Variants in CILP observed in about 807,000 individuals in gnomAD.
CILP encodes cartilage intermediate layer protein 1.
In CILP, 75 loss-of-function variants were observed where a neutral mutation model predicts 82.5. The ratio of observed to expected loss-of-function variants is 0.91; its 90% CI spans 0.75 to 1.10. The LOEUF (loss-of-function observed/expected upper bound fraction) is 1.10, where lower values mean the gene tolerates loss of function less well. CILP is among the 50% of genes least tolerant of loss of function. The pLI, the probability that CILP is intolerant of heterozygous loss-of-function variation, is 0.00. For synonymous variants in CILP, 530 were observed against 580.3 expected, an observed-to-expected ratio of 0.91 and a Z score of 1.25; for missense variants, 1,479 against 1,530.8, an observed-to-expected ratio of 0.97 and a Z score of 0.56.
chr15:65,203,305 C>G (rs1459178716), intron 7 of CILP, 57 bp downstream of exon 7: 7 of 1,195,550 alleles, frequency 5.9e-6, no homozygotes, highest in Non-Finnish European at 8.7e-6. Context: ...AGACCCAATG[C>G]AAGAAGCTCT....
rs753788213 is a variant in CILP, at chr15:65,197,553, G to A, written c.2733C>T (p.His911=). Residue 911 remains histidine (H), a synonymous_variant, in exon 9 of 9, where the codon CAC becomes CAT. Coordinates refer to ENST00000261883, the MANE Select transcript of CILP (RefSeq NM_003613.4). ...ACEEAPPSAA[H]FRFYQIEGDR... ...CCCCCTCAATCTGGTAGAACCGGAA[G>A]TGGGCTGCACTGGGTGGTGCCTCTT... 5 of 1,614,246 alleles carry A rather than the reference G, an allele frequency of 3.1e-6. No individual in the cohort carries two copies. Among genetic ancestry groups the A allele is most frequent in the Middle Eastern group, 1.6e-4 (1 of 6,062 alleles).
Position 65,196,399 on chromosome 15 carries a change from T to G in CILP, c.*332A>C, listed in dbSNP as rs766722166. Reference sequence around the variant, plus strand: ...ATCTTCAGCATCAGATTATCACTATTGCAGAGGTGGGCAAAACCATGCAAA... The same window carrying G: ...ATCTTCAGCATCAGATTATCACTATGGCAGAGGTGGGCAAAACCATGCAAA... On this transcript the variant is annotated 3_prime_UTR_variant, in exon 9 of 9. Transcript: ENST00000261883. The G allele has an allele frequency of 4.3e-6, 1 of 234,976 alleles. No homozygotes were observed. 14.6% of individuals were successfully genotyped at this position (234,976 alleles called of 1,614,324 possible).
At chr15:65,205,511 A>G (rs2681038) in intron 4 of CILP, 45 bp from the exon 5 acceptor site, 939,905 of 1,527,040 alleles carry the variant, frequency 0.62, 294,826 homozygotes, top group African/African-American at 0.69. Flanking sequence ...CTCTTGAGGG[A>G]ACTCTGTCAG....
intron 8 of CILP, among the ~76,000 whole-genome samples, chr15:65,200,756 T>C (rs935240619): frequency 1.3e-5 from 2 of 152,220 alleles, no homozygotes; most frequent in African/African-American, 4.8e-5. Flanking sequence ...AAACTATGCA[T>C]GCCCAGGCCA....
rs776061400 is a variant in CILP, at chr15:65,198,994, C to T, written c.1292G>A (p.Arg431His). ...ATNSFYYDVG[R>H]CPVKTCAGQQ... The stretch of plus-strand genomic sequence containing the variant: ...CCCTGCACAAGTCTTAACAGGGCAG[C>T]GTCCCACGTCATAGTAGAAGGAGTT... Residue 431 changes from arginine (R) to histidine (H), a missense_variant, in exon 9 of 9, where the codon CGC becomes CAC. Coordinates refer to ENST00000261883, the MANE Select transcript of CILP (RefSeq NM_003613.4). 50 of 1,611,796 alleles carry T rather than the reference C, an allele frequency of 3.1e-5. No individual in the cohort carries two copies. Among genetic ancestry groups the T allele is most frequent in the Non-Finnish European group, 3.7e-5 (44 of 1,180,014 alleles).
Position 65,198,605 on chromosome 15 carries a change from C to T in CILP, c.1681G>A (p.Gly561Arg), listed in dbSNP as rs921181401. The T allele has an allele frequency of 2.5e-6, 4 of 1,614,254 alleles. No homozygotes were observed. Among genetic ancestry groups the T allele is most frequent in the Non-Finnish European group, 3.4e-6 (4 of 1,180,042 alleles). The change falls in exon 9 of 9, where the codon GGG (glycine) becomes AGG (arginine). Residue 561 changes from glycine (G) to arginine (R), a missense_variant. Gly to Arg is a moderately radical substitution (Grantham distance 125). Coordinates refer to ENST00000261883, the MANE Select transcript of CILP (RefSeq NM_003613.4). ...TTKVLPFNKKGSAVFHEIKML... is the reference protein window; with the variant it reads ...TTKVLPFNKKRSAVFHEIKML... ...TTGATTTCATGGAACACGGCACTCC[C>T]CTTCTTGTTGAAAGGTAGCACTTTG...
chr15:65,197,039 C>A lies in CILP; in HGVS notation c.3247G>T (p.Asp1083Tyr). ...GCGATCTCCTTGGCCGTGCGAGGGT[C>A]CTGGTCAGTGACAGTGTAGATGCCA... ...NYGIYTVTDQ[D>Y]PRTAKEIALG... Residue 1083 changes from aspartate to tyrosine, a missense_variant, in exon 9 of 9, where the codon GAC becomes TAC. Coordinates refer to ENST00000261883, the MANE Select transcript of CILP (RefSeq NM_003613.4). 2 of 1,614,184 alleles carry A rather than the reference C, an allele frequency of 1.2e-6. No individual in the cohort carries two copies. The highest frequency in any genetic ancestry group is 2.7e-5 in the African/African-American group (2 of 75,046).
In CILP at chr15:65,198,204, G is replaced by A. The variant is rs201712854; in HGVS notation, c.2082C>T (p.Ser694=). The A allele has an allele frequency of 3.1e-6, 5 of 1,614,248 alleles. No homozygotes were observed. The South Asian group carries it at 3.3e-5, about 11-fold the overall frequency. ...GATTGAGTGACCAGAGTTTCACTGT[G>A]GATATGTGCTCTGGCATCTTGACCT... The part of the protein sequence containing the change: ...STQVKMPEHI[S]TVKLWSLNPD... The change falls in exon 9 of 9, where the codon TCC becomes TCT. Residue 694 remains serine, a synonymous_variant. Coordinates refer to ENST00000261883, the MANE Select transcript of CILP (RefSeq NM_003613.4).
chr15:65,201,745 A>G (rs956959963), intron 8 of CILP, 127 bp downstream of exon 8: 103 of 528,766 alleles, frequency 1.9e-4, no homozygotes, highest in African/African-American at 1.9e-3. Context: ...AAAAAAAAAA[A>G]AAAAAGAAAG....
intron 7 of CILP, among the ~76,000 whole-genome samples, chr15:65,203,002 A>AT (rs1420526114): frequency 6.6e-6 from 1 of 151,800 alleles, no homozygotes; most frequent in Non-Finnish European, 1.5e-5. Flanking sequence ...AACCTGGCTA[A>AT]TTTTTTGCAT....
Position 65,198,509 on chromosome 15 carries a change from C to G in CILP, c.1777G>C (p.Val593Leu). The stretch of plus-strand genomic sequence containing the variant: ...AGTTCAGCCATGGGGTCTTCACCAA[C>G]CACTTCCCCCAGGGGGATGATGTTG... The part of the protein sequence containing the change: ...ETNIIPLGEV[V>L]GEDPMAELEI... The change falls in exon 9 of 9, where the codon GTT becomes CTT. Residue 593 changes from valine to leucine, a missense_variant. Transcript: ENST00000261883. 1 of 1,614,206 alleles carries G rather than the reference C, an allele frequency of 6.2e-7. No individual in the cohort carries two copies. The highest frequency in any genetic ancestry group is 8.5e-7 in the Non-Finnish European group (1 of 1,180,018).
Position 65,207,617 on chromosome 15 carries a change from G to A in CILP, c.154+55C>T, listed in dbSNP as rs80327877. 4.5e-3 allele frequency: 6,724 copies of A among 1,496,656 alleles called. 118 individuals carry two copies. In the African/African-American group the frequency reaches 0.054, roughly 12 times the overall value. 92.7% of individuals were successfully genotyped at this position (1,496,656 alleles called of 1,614,324 possible). A position where few individuals can be genotyped will look rare whatever the true frequency, so the allele number is the denominator to read the frequency against. On this transcript the variant is annotated intron_variant, in intron 3 of 8. Transcript: ENST00000261883. ...TGCCCTGGCTTCAGAGATCCACTTCGGAAGCTCGTTAAAGGCTGCCCCTCC... is the reference window on the plus strand; with the variant it reads ...TGCCCTGGCTTCAGAGATCCACTTCAGAAGCTCGTTAAAGGCTGCCCCTCC...
At chr15:65,207,193 C>T in intron 3 of CILP, 142 bp from the exon 4 acceptor site, 1 of 882,340 alleles carries the variant, frequency 1.1e-6, no homozygotes, top group Non-Finnish European at 1.7e-6. Flanking sequence ...TTACACCTGC[C>T]ACTGCTGAGG....
At chr15:65,199,276 T>C (rs1437028110) in intron 8 of CILP, among the ~76,000 whole-genome samples, 177 bp from the exon 9 acceptor site, 4 of 152,208 alleles carry the variant, frequency 2.6e-5, no homozygotes, top group Non-Finnish European at 5.9e-5. Context: ...CCATTTTATA[T>C]ACCGGGAAAC....
In CILP at chr15:65,197,675, T is replaced by A; in HGVS notation, c.2611A>T (p.Lys871Ter). ...GCCATGCTAATCTGGAAAGCTGTCT[T>A]TTTAACCCGTGGATCCTCATGGTCC... ...RTDHEDPRVK[K>*]TAFQISMAKP... Residue 871 changes from lysine (K) to a stop codon, truncating the protein, a stop_gained, in exon 9 of 9, where the codon AAG becomes TAG. Coordinates refer to ENST00000261883, the MANE Select transcript of CILP (RefSeq NM_003613.4). LOFTEE classifies it high-confidence loss of function. 1.2e-6 allele frequency: 2 copies of A among 1,614,000 alleles called. No homozygotes were observed. Among genetic ancestry groups the A allele is most frequent in the Non-Finnish European group, 1.7e-6 (2 of 1,180,042 alleles).
Position 65,207,705 on chromosome 15 carries a change from T to G in CILP, c.121A>C (p.Ser41Arg). The change falls in exon 3 of 9, where the codon AGC becomes CGC. Residue 41 changes from serine (S) to arginine (R), a missense_variant. Coordinates refer to ENST00000261883, the MANE Select transcript of CILP (RefSeq NM_003613.4). ...GTGTCGGCAGGCTTGGCAAAGATGC[T>G]GGGGTTCTTCTTCCCAGGCTGGACT... ...RRVQPGKKNP[S>R]IFAKPADTLE... is the part of the protein sequence containing the mutation. The G allele has an allele frequency of 6.2e-7, 1 of 1,614,148 alleles. No homozygotes were observed. The highest frequency in any genetic ancestry group is 8.5e-7 in the Non-Finnish European group (1 of 1,180,022).
chr15:65,205,071 C>T (rs952816241), intron 5 of CILP, among the ~76,000 whole-genome samples: 13 of 152,172 alleles, frequency 8.5e-5, no homozygotes, highest in African/African-American at 2.9e-4. Flanking sequence ...CTAGGAAGCT[C>T]TCCTGGATTC....
In CILP at chr15:65,206,831, C is replaced by G. The variant is rs1224827456; in HGVS notation, c.375G>C (p.Arg125=). The change falls in exon 4 of 9, where the codon CGG becomes CGC. Residue 125 remains arginine, a synonymous_variant. Transcript: ENST00000261883. ...TGTAATTAGAGCAGTTCTGGCCAGG[C>G]CGCTGCTCCCTGTTGAGGCACCAGA... The part of the protein sequence containing the change: ...EGFWCLNREQ[R]PGQNCSNYTV... 1.2e-6 allele frequency: 2 copies of G among 1,614,034 alleles called. No individual in the cohort carries two copies. Among genetic ancestry groups the G allele is most frequent in the Non-Finnish European group, 1.7e-6 (2 of 1,179,988 alleles).
chr15:65,201,905 C>A lies in CILP; in HGVS notation c.1153G>T (p.Val385Leu). The change falls in exon 8 of 9, where the codon GTG (valine) becomes TTG (leucine). Residue 385 changes from valine to leucine, a missense_variant. Transcript: ENST00000261883. The part of the protein sequence containing the change: ...FCKAQSDAGA[V>L]KSKVAQLIVI... ...ATCAGCTGGGCAACCTTGGACTTCA[C>A]AGCCCCAGCATCACTCTGGGCCTTG... The A allele has an allele frequency of 6.3e-7, 1 of 1,584,534 alleles. No homozygotes were observed. The highest frequency in any genetic ancestry group is 8.6e-7 in the Non-Finnish European group (1 of 1,166,536).
Sources: gnomAD v4.1 joint callset for allele counts (sites outside exome capture counted in the v4.1 genomes callset) on GRCh38, gnomAD v4.1.1 for gene constraint, MANE v1.5 for transcripts, NCBI Gene and HGNC (gene_info 2026-07-23, HGNC 2026-07-21) for gene names.